Variants in HIVEP3 observed in about 807,000 individuals in gnomAD.
HIVEP3 encodes HIVEP zinc finger 3, also known as transcription factor HIVEP3.
HIVEP3 carries 49 observed loss-of-function variants against 152.8 expected under a neutral mutation model. The observed-to-expected ratio is 0.32, with a 90% CI of 0.26 to 0.41. The LOEUF (loss-of-function observed/expected upper bound fraction) is 0.41. Ranked by LOEUF, HIVEP3 falls within the 10% of genes least tolerant of loss-of-function variation. The pLI is 1.00. For synonymous variants in HIVEP3, 1,269 were observed against 1,289.0 expected (o/e 0.98, Z 0.33); for missense variants, 2,790 against 3,103.3 (o/e 0.90, Z 2.40).
intron 1 of HIVEP3, among the ~76,000 whole-genome samples, chr1:41,734,026 G>A (rs1484462666): frequency 2.0e-5 from 3 of 151,918 alleles, no homozygotes. Flanking sequence ...TGTGCAAGGT[G>A]CAACTCAGCC....
chr1:42,003,986 T>C (rs1360659207), intron 1 of HIVEP3, among the ~76,000 whole-genome samples: 1 of 152,128 alleles, frequency 6.6e-6, no homozygotes, highest in Non-Finnish European at 1.5e-5. Flanking sequence ...AGGTACTAAA[T>C]CCGGGCAGAG....
chr1:41,961,918 G>A (rs1012175629), intron 1 of HIVEP3, among the ~76,000 whole-genome samples: 2 of 152,238 alleles, frequency 1.3e-5, no homozygotes, highest in African/African-American at 4.8e-5. Flanking sequence ...GACTTCACAG[G>A]TTTTCCTTAA....
At chr1:41,807,235 C>A (rs1029573745) in intron 1 of HIVEP3, among the ~76,000 whole-genome samples, 2 of 152,148 alleles carry the variant, frequency 1.3e-5, no homozygotes, top group Non-Finnish European at 2.9e-5. Flanking sequence ...ACGGGGAGGG[C>A]CCCCATGGTG....
At chr1:41,968,229 C>T (rs571219665) in intron 1 of HIVEP3, among the ~76,000 whole-genome samples, 57 of 151,854 alleles carry the variant, frequency 3.8e-4, no homozygotes, top group African/African-American at 1.3e-3. Context: ...AGAGATACAA[C>T]CTGGCAGAGA....
At chr1:41,639,030 TG>T (rs1474404956) in intron 2 of HIVEP3, among the ~76,000 whole-genome samples, 2 of 152,200 alleles carry the variant, frequency 1.3e-5, no homozygotes, top group African/African-American at 4.8e-5. Flanking sequence ...GACACCCTCC[TG>T]ACACGTGGCC....
intron 2 of HIVEP3, among the ~76,000 whole-genome samples, chr1:41,686,612 C>A (rs1015470119): frequency 6.6e-6 from 1 of 152,132 alleles, no homozygotes; most frequent in Non-Finnish European, 1.5e-5. Context: ...CTTCTAAGTA[C>A]TGACTGGAAC....
intron 5 of HIVEP3, among the ~76,000 whole-genome samples, chr1:41,562,643 C>CTCTTTCTTTCTTTCTTTCTTTCTT (rs58319899): frequency 8.4e-6 from 1 of 119,392 alleles, no homozygotes; most frequent in African/African-American, 3.2e-5. Context: ...CCCTCTCTCT[C>CTCTTTCTTTCTTTCTTTCTTTCTT]TCTTTCTTTC....
At position 41,581,211 on chromosome 1, in the gene HIVEP3, G is replaced by C. The variant is rs771546901; in HGVS notation, c.3587C>G (p.Thr1196Ser). Residue 1196 changes from threonine to serine, a missense_variant, in exon 4 of 9, where the codon ACT becomes AGT. Physicochemically the swap from Thr to Ser is moderately conservative, Grantham distance 58. Coordinates refer to ENST00000372583, the MANE Select transcript of HIVEP3 (RefSeq NM_024503.5). This position sits in a 1 kb window ranked among gnomAD's most constrained non-coding sequence, Gnocchi z 4.5. ...FQAPPLPLQP[T>S]VLHPGQLHLP... ...ATGGAGTTGGCCTGGGTGCAGAACA[G>C]TAGGCTGGAGAGGAAGCGGTGGGGC... The C allele has an allele frequency of 6.4e-7, 1 of 1,569,290 alleles. No individual in the cohort carries two copies. The highest frequency in any genetic ancestry group is 8.6e-7 in the Non-Finnish European group (1 of 1,157,664).
intron 1 of HIVEP3, among the ~76,000 whole-genome samples, chr1:41,902,333 G>A (rs761617588): frequency 3.3e-5 from 5 of 152,162 alleles, no homozygotes; most frequent in Non-Finnish European, 5.9e-5. Context: ...GTGGTCGGTA[G>A]GAGAGTGGAG....
chr1:42,026,024 C>T (rs1005184276), intron 1 of HIVEP3, among the ~76,000 whole-genome samples: 2 of 151,518 alleles, frequency 1.3e-5, no homozygotes, highest in African/African-American at 2.4e-5. Flanking sequence ...GAGCCGTGAT[C>T]GTGGCATTGT....
chr1:41,534,826 C>A (rs1558037617), intron 5 of HIVEP3, among the ~76,000 whole-genome samples: 1 of 152,202 alleles, frequency 6.6e-6, no homozygotes, highest in Non-Finnish European at 1.5e-5. Flanking sequence ...TGCCTCAGAA[C>A]CTTGATGGGC....
rs1484396675 is a variant in HIVEP3, at chr1:41,802,648, G to A, written c.-800-101653C>T. 4.6e-5 allele frequency among the ~76,000 whole-genome samples: 7 copies of A among 152,094 alleles called. No homozygotes were observed. The South Asian group carries it at 1.0e-3, about 23-fold the overall frequency. On this transcript the variant is annotated intron_variant, in intron 1 of 8. Transcript: ENST00000372583. ...ACATCCTGAGCAAATGATTCTAGTCGACTTACTGTTTCTGAGCCTCAGGCT... is the reference window on the plus strand; with the variant it reads ...ACATCCTGAGCAAATGATTCTAGTCAACTTACTGTTTCTGAGCCTCAGGCT...
chr1:41,754,961 C>G (rs1413124881), intron 1 of HIVEP3, among the ~76,000 whole-genome samples: 2 of 151,998 alleles, frequency 1.3e-5, no homozygotes, highest in Admixed American at 1.3e-4. Flanking sequence ...TTATCACAAG[C>G]CTTGAAAAAG....
chr1:41,623,243 G>A (rs1433473407), intron 3 of HIVEP3, among the ~76,000 whole-genome samples: 1 of 152,164 alleles, frequency 6.6e-6, no homozygotes, highest in African/African-American at 2.4e-5. Context: ...TTGGAGAAGC[G>A]ACACGAGAAA....
intron 3 of HIVEP3, among the ~76,000 whole-genome samples, chr1:41,609,638 C>A (rs754392754): frequency 6.6e-6 from 1 of 152,262 alleles, no homozygotes; most frequent in Non-Finnish European, 1.5e-5. Flanking sequence ...AGCCTCCCCA[C>A]TAGTTTAGGC....
chr1:41,876,828 C>T (rs2124421009), intron 1 of HIVEP3, among the ~76,000 whole-genome samples: 1 of 152,282 alleles, frequency 6.6e-6, no homozygotes, highest in East Asian at 1.9e-4. Context: ...TATGTTACAT[C>T]TTGTCTACTT....
intron 2 of HIVEP3, among the ~76,000 whole-genome samples, chr1:41,697,049 G>A (rs576635479): frequency 5.8e-4 from 89 of 152,290 alleles, no homozygotes; most frequent in Non-Finnish European, 1.1e-3. Context: ...CCAACCCCGC[G>A]TTGCACAGAA....
chr1:41,731,752 C>T (rs1458841546), intron 1 of HIVEP3, among the ~76,000 whole-genome samples: 1 of 152,220 alleles, frequency 6.6e-6, no homozygotes, highest in Non-Finnish European at 1.5e-5. Flanking sequence ...ATCAGGCCTT[C>T]AGATGACTGC....
chr1:41,812,462 C>CA (rs1357412409), intron 1 of HIVEP3, among the ~76,000 whole-genome samples: 2 of 151,822 alleles, frequency 1.3e-5, no homozygotes, highest in African/African-American at 2.4e-5. Flanking sequence ...ACAACAAAAA[C>CA]AAAAAAATAA....
Sources: allele counts gnomAD v4.1 joint callset (sites outside exome capture counted in the v4.1 genomes callset), GRCh38; gene constraint gnomAD v4.1.1; non-coding constraint Gnocchi (gnomAD v3.1); transcripts MANE v1.5; gene names NCBI Gene and HGNC (gene_info 2026-07-23, HGNC 2026-07-21).